OTUD3: variants seen among roughly 807,000 people sequenced by gnomAD.
The protein encoded by OTUD3 is OTU deubiquitinase 3.
Under a neutral mutation model 46.2 loss-of-function variants are expected in OTUD3, and 24 were observed. The observed-to-expected ratio is 0.52, with a 90% CI of 0.38 to 0.73. The LOEUF is 0.73. Ranked by LOEUF, OTUD3 falls within the 30% of genes least tolerant of loss-of-function variation. OTUD3 has a pLI of 0.00. For missense variants in OTUD3, 455 were observed against 523.3 expected, an observed-to-expected ratio of 0.87 and a Z score of 1.27; for synonymous variants, 189 against 195.4, an observed-to-expected ratio of 0.97 and a Z score of 0.27.
At chr1:19,892,685 C>G (rs2045464499) in intron 2 of OTUD3, among the ~76,000 whole-genome samples, 1 of 152,178 alleles carries the variant, frequency 6.6e-6, no homozygotes, top group South Asian at 2.1e-4. Flanking sequence ...GTTTTTCTTT[C>G]ACTGCTACTA....
At chr1:19,898,693 A>G (rs948989296) in intron 4 of OTUD3, among the ~76,000 whole-genome samples, 3 of 150,654 alleles carry the variant, frequency 2.0e-5, no homozygotes. Context: ...GCACCATTGC[A>G]CTCCAGCCTG....
chr1:19,904,778 G>T, intron 5 of OTUD3, 113 bp from the exon 6 acceptor site: 1 of 646,018 alleles, frequency 1.5e-6, no homozygotes, highest in Non-Finnish European at 2.8e-6. Flanking sequence ...CTGAAACCTT[G>T]TGTTAATTCT....
chr1:19,909,896 T>G lies in OTUD3; in HGVS notation c.*2150T>G, dbSNP rs1406279817. On this transcript the variant is annotated 3_prime_UTR_variant, in exon 8 of 8. Coordinates refer to ENST00000375120, the MANE Select transcript of OTUD3 (RefSeq NM_015207.2). ...GTATAATAATGGTGGTTTAAAAAAC[T>G]AATCAAACGGCTTTAGTAATTTTAC... is the stretch of plus-strand genomic sequence containing the variant. 6.6e-6 allele frequency: 1 copy of G among 152,390 alleles called. No homozygotes were observed. The highest frequency in any genetic ancestry group is 2.4e-5 in the African/African-American group (1 of 41,476). The allele number at this position is 152,390 out of a possible 1,614,324, so 9.4% of individuals were successfully genotyped here. A position where few individuals can be genotyped will look rare whatever the true frequency, so the allele number is the denominator to read the frequency against.
intron 5 of OTUD3, 104 bp from the exon 6 acceptor site, chr1:19,904,787 C>T (rs942578199): frequency 1.5e-6 from 1 of 657,224 alleles, no homozygotes; most frequent in East Asian, 2.6e-5. Flanking sequence ...TGTGTTAATT[C>T]TCACTATTAC....
rs558844859 is a variant in OTUD3 at position 19,911,043 on chromosome 1, A to G, written c.*3297A>G. On this transcript the variant is annotated 3_prime_UTR_variant, in exon 8 of 8. Transcript: ENST00000375120. ...CTCTGTGAAATATTCAGTCAGTTGAAGGAAACTTGGATTCCTAGTCAGAGG... is the reference window on the plus strand; with the variant it reads ...CTCTGTGAAATATTCAGTCAGTTGAGGGAAACTTGGATTCCTAGTCAGAGG... 2 of 152,466 alleles carry G rather than the reference A, an allele frequency of 1.3e-5. No homozygotes were observed. The highest frequency in any genetic ancestry group is 4.1e-4 in the South Asian group (2 of 4,826). 9.4% of individuals were successfully genotyped at this position (152,466 alleles called of 1,614,324 possible). A position where few individuals can be genotyped will look rare whatever the true frequency, so the allele number is the denominator to read the frequency against.
At chr1:19,886,486 G>A (rs2045362962) in intron 1 of OTUD3, among the ~76,000 whole-genome samples, 1 of 152,118 alleles carries the variant, frequency 6.6e-6, no homozygotes, top group Admixed American at 6.6e-5. Flanking sequence ...GCCTCACTCA[G>A]TGGTTTTCAG....
intron 4 of OTUD3, among the ~76,000 whole-genome samples, chr1:19,898,986 T>G (rs2045553823): frequency 6.6e-6 from 1 of 152,068 alleles, no homozygotes; most frequent in East Asian, 1.9e-4. Context: ...AATTTTTTAA[T>G]TTTTTGCAGA....
At chr1:19,888,633 C>T (rs1342958507) in intron 1 of OTUD3, among the ~76,000 whole-genome samples, 1 of 152,108 alleles carries the variant, frequency 6.6e-6, no homozygotes, top group Non-Finnish European at 1.5e-5. Flanking sequence ...GGACTTGGAT[C>T]CTGGGCCTAC....
At position 19,907,749 on chromosome 1, in the gene OTUD3, C is replaced by G. The variant is rs775081857; in HGVS notation, c.*3C>G. On this transcript the variant is annotated 3_prime_UTR_variant, in exon 8 of 8. Transcript: ENST00000375120. ...CCTTCGCCGCTCTCAACATCTGACT[C>G]TTTGGCCTCTTGGGAGTTGTAAGAA... 4 of 1,613,480 alleles carry G rather than the reference C, an allele frequency of 2.5e-6. No homozygotes were observed. In the East Asian group the frequency reaches 8.9e-5, roughly 36 times the overall value.
intron 6 of OTUD3, among the ~76,000 whole-genome samples, chr1:19,905,576 A>C (rs1467647426): frequency 6.6e-6 from 1 of 151,994 alleles, no homozygotes; most frequent in East Asian, 1.9e-4. Flanking sequence ...CCCCGTCTCT[A>C]CTAAAAATAC....
At chr1:19,903,825 A>G (rs1158906600) in intron 4 of OTUD3, among the ~76,000 whole-genome samples, 1 of 152,230 alleles carries the variant, frequency 6.6e-6, no homozygotes, top group African/African-American at 2.4e-5. Flanking sequence ...CTGATGATCA[A>G]ATAAGGCTTG....
rs767508119 is a variant in OTUD3, at chr1:19,907,533, C to A, written c.1021-37C>A. The A allele has an allele frequency of 2.5e-6, 4 of 1,602,976 alleles. No individual in the cohort carries two copies. In the South Asian group the frequency reaches 3.3e-5, roughly 13 times the overall value. ...CTAGCAGGTGGCAGCTTGAGTCCCC[C>A]GTGCTTCCTACTCACCACCATGGCC... is the stretch of plus-strand genomic sequence containing the variant. On this transcript the variant is annotated intron_variant, in intron 7 of 7. Transcript: ENST00000375120.
intron 6 of OTUD3, 48 bp from the exon 7 acceptor site, chr1:19,906,384 G>A (rs756982872): frequency 6.4e-7 from 1 of 1,566,550 alleles, no homozygotes; most frequent in Non-Finnish European, 8.7e-7. Flanking sequence ...TCATCACCCT[G>A]TGTAACTCTC....
intron 1 of OTUD3, among the ~76,000 whole-genome samples, chr1:19,885,161 A>G (rs2045339326): frequency 6.6e-6 from 1 of 152,170 alleles, no homozygotes; most frequent in Admixed American, 6.5e-5. Flanking sequence ...CAAGGGTAGA[A>G]GTAACGGGCA....
In OTUD3 at chr1:19,882,641, C is replaced by CTGG. The variant is rs1349813638; in HGVS notation, c.129_131dup (p.Gly48dup). 6.8e-7 allele frequency: 1 copy of CTGG among 1,462,420 alleles called. No homozygotes were observed. The highest frequency in any genetic ancestry group is 2.5e-5 in the Admixed American group (1 of 40,180). 90.6% of individuals were successfully genotyped at this position (1,462,420 alleles called of 1,614,324 possible). ...AAGGAGCGGCGGAATCGGCCGGAGT[C>CTGG]TGGCGGCGGCGGCGGCTGCGAGGAG... On this transcript the variant is annotated inframe_insertion, in exon 1 of 8. Transcript: ENST00000375120.
In OTUD3 at chr1:19,908,179, T is replaced by C. The variant is rs2045688995; in HGVS notation, c.*433T>C. Reference sequence around the variant, plus strand: ...GAATGACAAGTTTCCTTAGTTTCTCTTTCATTCTCAAACAGATATATAGGG... The same window carrying C: ...GAATGACAAGTTTCCTTAGTTTCTCCTTCATTCTCAAACAGATATATAGGG... On this transcript the variant is annotated 3_prime_UTR_variant, in exon 8 of 8. Transcript: ENST00000375120. 1 of 154,422 alleles carries C rather than the reference T, an allele frequency of 6.5e-6. No homozygotes were observed. Among genetic ancestry groups the C allele is most frequent in the Non-Finnish European group, 1.4e-5 (1 of 69,460 alleles). The allele number at this position is 154,422 out of a possible 1,614,324, so 9.6% of individuals were successfully genotyped here. A position where few individuals can be genotyped will look rare whatever the true frequency, so the allele number is the denominator to read the frequency against.
intron 1 of OTUD3, 70 bp downstream of exon 1, chr1:19,882,804 C>T: frequency 2.5e-6 from 3 of 1,222,680 alleles, no homozygotes; most frequent in Non-Finnish European, 3.1e-6. Context: ...GACCGTTGCC[C>T]GCTCGCGTCC....
rs577210015 is a variant in OTUD3, at chr1:19,908,007, A to G, written c.*261A>G. 1.5e-5 allele frequency: 5 copies of G among 329,516 alleles called. No homozygotes were observed. The highest frequency in any genetic ancestry group is 2.8e-5 in the Non-Finnish European group (5 of 180,990). 20.4% of individuals were successfully genotyped at this position (329,516 alleles called of 1,614,324 possible). A position where few individuals can be genotyped will look rare whatever the true frequency, so the allele number is the denominator to read the frequency against. ...TTAAAATACTGAGTTTTAGGGGCAG[A>G]TAGTTAGGTCAGGAAAAACCTTTTA... On this transcript the variant is annotated 3_prime_UTR_variant, in exon 8 of 8. Transcript: ENST00000375120.
intron 1 of OTUD3, among the ~76,000 whole-genome samples, chr1:19,884,824 A>T (rs776948394): frequency 7.9e-5 from 12 of 152,204 alleles, no homozygotes; most frequent in Non-Finnish European, 1.5e-4. Context: ...CTTGAGTCAC[A>T]CTTTGAGAAC....
Sources: allele counts gnomAD v4.1 joint callset (sites outside exome capture counted in the v4.1 genomes callset), GRCh38; gene constraint gnomAD v4.1.1; transcripts MANE v1.5; gene names NCBI Gene and HGNC (gene_info 2026-07-23, HGNC 2026-07-21).